The following NSMCE4A variants were observed in gnomAD, a reference collection of about 807,000 sequenced individuals.
NSMCE4A encodes NSE4A component of SMC5/6 complex.
A neutral mutation model predicts 47.9 loss-of-function variants in NSMCE4A; 40 were observed. The observed-to-expected ratio is 0.83, with a 90% CI of 0.65 to 1.09. The LOEUF (loss-of-function observed/expected upper bound fraction) is 1.09, where lower values mean the gene tolerates loss of function less well. Among genes scored for constraint, NSMCE4A ranks in the 50% least tolerant of loss-of-function variants. The pLI, the probability that NSMCE4A is intolerant of heterozygous loss-of-function variation, is 0.00. For synonymous variants in NSMCE4A, 166 were observed against 178.5 expected (o/e 0.93, Z 0.56); for missense variants, 500 against 507.0 (o/e 0.99, Z 0.13).
chr10:121,967,933 C>A, intron 3 of NSMCE4A, 127 bp from the exon 4 acceptor site: 1 of 880,158 alleles, frequency 1.1e-6, no homozygotes, highest in Non-Finnish European at 1.7e-6. Flanking sequence ...TCTTAACATG[C>A]TGGCTAAATT....
intron 3 of NSMCE4A, among the ~76,000 whole-genome samples, chr10:121,968,814 T>C (rs1952652552): frequency 6.6e-6 from 1 of 152,168 alleles, no homozygotes; most frequent in South Asian, 2.1e-4. Context: ...CAGAGCGCTA[T>C]GGCCAGCTCT....
chr10:121,974,477 T>C, intron 1 of NSMCE4A: 2 of 1,004,832 alleles, frequency 2.0e-6, no homozygotes, highest in Non-Finnish European at 2.4e-6. Context: ...GAACGTGCAT[T>C]TGACAGCTCT....
chr10:121,959,529 A>G lies in NSMCE4A; in HGVS notation c.1055T>C (p.Ile352Thr). The G allele has an allele frequency of 4.3e-6, 7 of 1,614,112 alleles. No homozygotes were observed. The highest frequency in any genetic ancestry group is 5.9e-6 in the Non-Finnish European group (7 of 1,179,964). The part of the protein sequence containing the change: ...EHNTQVRNQG[I>T]IALSYRDWEE... ...CCAGTCACGGTAACTCAAAGCTATA[A>G]TTCCTTGATTTCTAACTTGTGTGTT... is the stretch of plus-strand genomic sequence containing the variant. Residue 352 changes from isoleucine (I) to threonine (T), a missense_variant, in exon 9 of 11, where the codon ATT becomes ACT. Physicochemically the swap from Ile to Thr is moderately conservative, Grantham distance 89. Transcript: ENST00000369023.
chr10:121,966,890 A>G (rs1384952417), intron 4 of NSMCE4A: 1 of 152,230 alleles, frequency 6.6e-6, no homozygotes, highest in African/African-American at 2.4e-5. Flanking sequence ...TTTTTTTTAA[A>G]TCAGAGTTCT....
At position 121,975,075 on chromosome 10, in the gene NSMCE4A, G is replaced by A. The variant is rs1952792394; in HGVS notation, c.91C>T (p.Arg31Trp). Residue 31 changes from arginine to tryptophan, a missense_variant, in exon 1 of 11, where the codon CGG becomes TGG. Arg to Trp is a moderately radical substitution (Grantham distance 101). Transcript: ENST00000369023. ...CGGGACCTGGGCGACAAAGGGGACC[G>A]CGAGCGGGAGCGGGAGCGGGTGCGA... ...RDRTRSRSRS[R>W]SPLSPRSRRG... 3.5e-6 allele frequency: 5 copies of A among 1,445,946 alleles called. No homozygotes were observed. Among genetic ancestry groups the A allele is most frequent in the Admixed American group, 3.1e-5 (1 of 32,768 alleles). 89.6% of individuals were successfully genotyped at this position (1,445,946 alleles called of 1,614,324 possible). A position where few individuals can be genotyped will look rare whatever the true frequency, so the allele number is the denominator to read the frequency against.
chr10:121,965,288 G>A lies in NSMCE4A; in HGVS notation c.751C>T (p.Gln251Ter). ...AAAAGCAACATTTTAAAACAAACCT[G>A]GGCAGGCATTGCCCTCTCCTCTTGT... ...VIQEERAMPA[Q>*]LRRMEESHQE... Residue 251 changes from glutamine (Q) to a stop codon, truncating the protein, a stop_gained and splice_region_variant, in exon 5 of 11, where the codon CAG (glutamine) becomes TAG (stop). Coordinates refer to ENST00000369023, the MANE Select transcript of NSMCE4A (RefSeq NM_017615.3). LOFTEE classifies it high-confidence loss of function. 6.2e-7 allele frequency: 1 copy of A among 1,603,764 alleles called. No homozygotes were observed. Among genetic ancestry groups the A allele is most frequent in the Non-Finnish European group, 8.5e-7 (1 of 1,173,684 alleles).
Position 121,975,035 on chromosome 10 carries a change from C to A in NSMCE4A, c.131G>T (p.Arg44Leu). 1 of 1,477,258 alleles carries A rather than the reference C, an allele frequency of 6.8e-7. No individual in the cohort carries two copies. Among genetic ancestry groups the A allele is most frequent in the South Asian group, 1.3e-5 (1 of 77,230 alleles). The allele number at this position is 1,477,258 out of a possible 1,614,324, so 91.5% of individuals were successfully genotyped here. Residue 44 changes from arginine to leucine, a missense_variant, in exon 1 of 11, where the codon CGG becomes CTG. Transcript: ENST00000369023. ...GCGCTCTGGGGCCTCTCTGCGCTCC[C>A]GCGCAGAGCCGCGGCGGGACCTGGG... is the stretch of plus-strand genomic sequence containing the variant. Reference protein sequence around the residue: ...LSPRSRRGSARERREAPERPS... With the variant: ...LSPRSRRGSALERREAPERPS...
chr10:121,972,119 T>C (rs2134785546), intron 2 of NSMCE4A, among the ~76,000 whole-genome samples: 1 of 152,340 alleles, frequency 6.6e-6, no homozygotes. Context: ...CTCCAAAGTT[T>C]GAGACCAGCC....
intron 5 of NSMCE4A, among the ~76,000 whole-genome samples, chr10:121,963,601 T>G (rs1564992906): frequency 2.0e-5 from 3 of 151,614 alleles, no homozygotes; most frequent in Non-Finnish European, 4.4e-5. Flanking sequence ...TGGCTAATTT[T>G]TTTTTTTTTA....
At chr10:121,971,859 G>A (rs1201157391) in intron 2 of NSMCE4A, among the ~76,000 whole-genome samples, 1 of 152,186 alleles carries the variant, frequency 6.6e-6, no homozygotes. Flanking sequence ...GTGCTAGGCT[G>A]GCACTAGGAG....
intron 10 of NSMCE4A, among the ~76,000 whole-genome samples, chr10:121,958,245 T>C (rs1236376265): frequency 6.6e-6 from 1 of 151,630 alleles, no homozygotes; most frequent in African/African-American, 2.4e-5. Flanking sequence ...AAAAGAGAAG[T>C]TGGGTGAGAT....
At chr10:121,973,807 C>A (rs1565000920) in intron 2 of NSMCE4A, among the ~76,000 whole-genome samples, 197 bp downstream of exon 2, 1 of 152,122 alleles carries the variant, frequency 6.6e-6, no homozygotes. Flanking sequence ...GAACCTACCC[C>A]CAAATTTTCA....
intron 1 of NSMCE4A, 59 bp downstream of exon 1, chr10:121,974,815 G>A (rs1471729552): frequency 1.6e-6 from 2 of 1,249,292 alleles, no homozygotes; most frequent in South Asian, 3.6e-5. Flanking sequence ...CCCCGCGCCC[G>A]GCGCAGGGCG....
intron 6 of NSMCE4A, among the ~76,000 whole-genome samples, chr10:121,962,824 C>T (rs1465560253): frequency 2.6e-5 from 4 of 151,832 alleles, no homozygotes; most frequent in African/African-American, 4.8e-5. Context: ...GTTGGTCAGG[C>T]GGGTATCGAA....
chr10:121,975,212 G>T lies in NSMCE4A; in HGVS notation c.-47C>A, dbSNP rs777609417. 5 of 1,348,346 alleles carry T rather than the reference G, an allele frequency of 3.7e-6. No individual in the cohort carries two copies. The South Asian group carries it at 9.0e-5, about 24-fold the overall frequency. The allele number at this position is 1,348,346 out of a possible 1,614,324, so 83.5% of individuals were successfully genotyped here. On this transcript the variant is annotated 5_prime_UTR_variant, in exon 1 of 11. In the 5' UTR this introduces an upstream ATG that the reference lacks. Transcript: ENST00000369023. ...TTCGGAACGGCGGAAGTTCGCGCCA[G>T]AAACTGAAACCCCTGCTCTGCGCCA...
chr10:121,967,576 A>T, intron 4 of NSMCE4A, 79 bp downstream of exon 4: 1 of 1,455,216 alleles, frequency 6.9e-7, no homozygotes, highest in South Asian at 1.3e-5. Flanking sequence ...TACAATACCA[A>T]ATAATCTTTG....
At chr10:121,959,642 G>A (rs573032032) in intron 8 of NSMCE4A, 47 bp from the exon 9 acceptor site, 33 of 1,315,728 alleles carry the variant, frequency 2.5e-5, no homozygotes, top group African/African-American at 8.7e-5. Context: ...TTATTAAATC[G>A]GAACAGGTAA....
At chr10:121,969,703 T>G (rs1033716961) in intron 3 of NSMCE4A, among the ~76,000 whole-genome samples, 4 of 152,052 alleles carry the variant, frequency 2.6e-5, no homozygotes, top group Admixed American at 2.0e-4. Context: ...TGGCTCAGAT[T>G]GACAGATTGA....
At chr10:121,959,035 G>A (rs1052145010) in intron 10 of NSMCE4A, among the ~76,000 whole-genome samples, 8 of 152,080 alleles carry the variant, frequency 5.3e-5, no homozygotes, top group African/African-American at 9.7e-5. Flanking sequence ...GGCTGATCTC[G>A]AACTCCTGAC....
Sources: gnomAD v4.1 joint callset for allele counts (sites outside exome capture counted in the v4.1 genomes callset) on GRCh38, gnomAD v4.1.1 for gene constraint, MANE v1.5 for transcripts, NCBI Gene and HGNC (gene_info 2026-07-23, HGNC 2026-07-21) for gene names.